Variants in ROR1 observed in about 807,000 individuals in gnomAD.
ROR1 encodes ROR family WNT receptor 1.
A neutral mutation model predicts 78.8 loss-of-function variants in ROR1; 19 were observed. The observed-to-expected ratio is 0.24, with a 90% CI of 0.17 to 0.35. The LOEUF (loss-of-function observed/expected upper bound fraction) is 0.35, where lower values mean the gene tolerates loss of function less well. Ranked by LOEUF, ROR1 falls within the 10% of genes least tolerant of loss-of-function variation. The pLI, the probability that ROR1 is intolerant of heterozygous loss-of-function variation, is 1.00. For missense variants in ROR1, 917 were observed against 1,177.8 expected, an observed-to-expected ratio of 0.78 and a Z score of 3.24; for synonymous variants, 386 against 433.6, an observed-to-expected ratio of 0.89 and a Z score of 1.36.
intron 4 of ROR1, among the ~76,000 whole-genome samples, chr1:64,054,535 G>A (rs1046049079): frequency 6.6e-6 from 1 of 152,048 alleles, no homozygotes; most frequent in Non-Finnish European, 1.5e-5. Context: ...TTCCTAAAGT[G>A]ATACTTAAAT....
intron 4 of ROR1, among the ~76,000 whole-genome samples, chr1:64,056,530 G>T (rs1487919709): frequency 6.6e-6 from 1 of 151,816 alleles, no homozygotes; most frequent in South Asian, 2.1e-4. Context: ...CAAAAAATTA[G>T]CCAGGTGTGG....
At position 64,178,664 on chromosome 1, in the gene ROR1, G is replaced by A; in HGVS notation, c.2623G>A (p.Gly875Arg). The change falls in exon 9 of 9, where the codon GGA becomes AGA. Residue 875 changes from glycine to arginine, a missense_variant. Around this residue, in one of 3 missense-constraint regions of ROR1, gnomAD observed 835 missense variants for 1,069.8 expected, o/e 0.78. Coordinates refer to ENST00000371079, the MANE Select transcript of ROR1 (RefSeq NM_005012.4). This position sits in a 1 kb window ranked among gnomAD's most constrained non-coding sequence, Gnocchi z 4.3. ...CCATGTGACTAGCTTGCCCTCATCA[G>A]GATCCAATCAGGAAGCAAATATTCC... ...TGHVTSLPSS[G>R]SNQEANIPLL... is the part of the protein sequence containing the mutation. 1 of 1,614,118 alleles carries A rather than the reference G, an allele frequency of 6.2e-7. No homozygotes were observed. The highest frequency in any genetic ancestry group is 8.5e-7 in the Non-Finnish European group (1 of 1,180,034).
intron 1 of ROR1, among the ~76,000 whole-genome samples, chr1:63,878,909 A>T (rs1325496586): frequency 6.6e-6 from 1 of 152,164 alleles, no homozygotes. Context: ...AGCCTGTTGC[A>T]TTACAGGTCC....
At chr1:63,917,286 G>A (rs190767677) in intron 1 of ROR1, among the ~76,000 whole-genome samples, 1 of 152,222 alleles carries the variant, frequency 6.6e-6, no homozygotes, top group East Asian at 1.9e-4. Context: ...GGTACTCAAA[G>A]GGTATTTGTT....
At chr1:63,846,871 C>T (rs1048723325) in intron 1 of ROR1, among the ~76,000 whole-genome samples, 4 of 152,236 alleles carry the variant, frequency 2.6e-5, no homozygotes, top group African/African-American at 9.6e-5. Context: ...CGCGTTACTG[C>T]AGAGCAAGGA....
intron 7 of ROR1, among the ~76,000 whole-genome samples, chr1:64,151,991 C>CA (rs1423319060): frequency 2.0e-5 from 3 of 152,028 alleles, no homozygotes; most frequent in Non-Finnish European, 4.4e-5. Flanking sequence ...TCTACTTGAA[C>CA]ATTGCCAGAC....
chr1:64,128,989 G>T (rs192608402), intron 4 of ROR1, among the ~76,000 whole-genome samples: 105 of 152,286 alleles, frequency 6.9e-4, no homozygotes, highest in African/African-American at 2.5e-3. Flanking sequence ...AATGTGAATT[G>T]CTGCTTCTGC....
chr1:63,826,486 T>G (rs1644954302), intron 1 of ROR1, among the ~76,000 whole-genome samples: 1 of 152,202 alleles, frequency 6.6e-6, no homozygotes, highest in Non-Finnish European at 1.5e-5. Context: ...CTTTATCTAG[T>G]CTATCATTGA....
chr1:63,991,895 C>T (rs543886207), intron 1 of ROR1, among the ~76,000 whole-genome samples: 11 of 152,276 alleles, frequency 7.2e-5, no homozygotes, highest in Admixed American at 5.2e-4. Flanking sequence ...TCACCTGTCT[C>T]GCTTGACTAA....
At chr1:63,863,769 TTG>T (rs1645197366) in intron 1 of ROR1, among the ~76,000 whole-genome samples, 2 of 150,538 alleles carry the variant, frequency 1.3e-5, no homozygotes, top group Non-Finnish European at 2.9e-5. Flanking sequence ...TTGTATTGTA[TTG>T]TATTGTATTG....
At chr1:63,785,187 T>C (rs1446582695) in intron 1 of ROR1, among the ~76,000 whole-genome samples, 4 of 152,234 alleles carry the variant, frequency 2.6e-5, no homozygotes, top group Non-Finnish European at 5.9e-5. Flanking sequence ...TAAGAGAGAT[T>C]ATAGCCTTGC....
Position 64,069,402 on chromosome 1 carries a change from A to G in ROR1, c.482+18686A>G, listed in dbSNP as rs1019512523. Among the ~76,000 whole-genome samples, 7 of 152,118 alleles carry G rather than the reference A, an allele frequency of 4.6e-5. 1 individual carries two copies. Among genetic ancestry groups the G allele is most frequent in the Admixed American group, 2.6e-4 (4 of 15,256 alleles). Reference sequence around the variant, plus strand: ...ACTCGTAACTTCTCCACAATAGTACATGTTTGAATCAATTTTCTGTTTAGG... The same window carrying G: ...ACTCGTAACTTCTCCACAATAGTACGTGTTTGAATCAATTTTCTGTTTAGG... On this transcript the variant is annotated intron_variant, in intron 4 of 8. Coordinates refer to ENST00000371079, the MANE Select transcript of ROR1 (RefSeq NM_005012.4).
At chr1:64,122,285 A>T (rs184051727) in intron 4 of ROR1, among the ~76,000 whole-genome samples, 3 of 152,310 alleles carry the variant, frequency 2.0e-5, no homozygotes, top group Non-Finnish European at 4.4e-5. Context: ...ATGTGATGTG[A>T]GGATGGGGAA....
intron 4 of ROR1, among the ~76,000 whole-genome samples, chr1:64,082,375 A>C (rs755676941): frequency 1.3e-5 from 2 of 152,256 alleles, no homozygotes; most frequent in Non-Finnish European, 2.9e-5. Context: ...TGGAAAAGCC[A>C]AATATTACTT....
At chr1:63,837,754 G>A (rs984813417) in intron 1 of ROR1, among the ~76,000 whole-genome samples, 2 of 152,192 alleles carry the variant, frequency 1.3e-5, no homozygotes, top group Non-Finnish European at 1.5e-5. Context: ...CCAGGAGGTT[G>A]AGGCTGCAGT....
chr1:63,862,587 G>T (rs1051877775), intron 1 of ROR1, among the ~76,000 whole-genome samples: 1 of 151,944 alleles, frequency 6.6e-6, no homozygotes, highest in Admixed American at 6.6e-5. Flanking sequence ...AAAGAAACCC[G>T]AGAGTTAGGG....
intron 4 of ROR1, among the ~76,000 whole-genome samples, chr1:64,122,074 A>G (rs1158570247): frequency 6.6e-6 from 1 of 152,164 alleles, no homozygotes; most frequent in Non-Finnish European, 1.5e-5. Flanking sequence ...CTTAGCCTGC[A>G]TTTAGTTGAC....
At chr1:64,176,179 T>C (rs1001814396) in intron 8 of ROR1, among the ~76,000 whole-genome samples, 6 of 152,222 alleles carry the variant, frequency 3.9e-5, no homozygotes, top group African/African-American at 1.4e-4. Flanking sequence ...CCTGTCTGTC[T>C]TAAGGTCAAT....
chr1:63,812,549 G>A (rs1291274637), intron 1 of ROR1, among the ~76,000 whole-genome samples: 2 of 152,014 alleles, frequency 1.3e-5, no homozygotes, highest in African/African-American at 4.8e-5. Flanking sequence ...TGAATGAATG[G>A]TCAGGAAATT....
Sources: allele counts gnomAD v4.1 joint callset (sites outside exome capture counted in the v4.1 genomes callset), GRCh38; gene constraint gnomAD v4.1.1; regional missense constraint gnomAD v4.1.1; non-coding constraint Gnocchi (gnomAD v3.1); transcripts MANE v1.5; gene names NCBI Gene and HGNC (gene_info 2026-07-23, HGNC 2026-07-21).